The following TBXAS1 variants were observed in gnomAD, a reference collection of about 807,000 sequenced individuals.
The protein encoded by TBXAS1 is thromboxane-A synthase.
TBXAS1 carries 48 observed loss-of-function variants against 60.7 expected under a neutral mutation model. That is an observed-to-expected ratio of 0.79 (90% CI 0.63 to 1.01). The LOEUF is 1.01. Ranked by LOEUF, TBXAS1 falls within the 50% of genes least tolerant of loss-of-function variation. The pLI is 0.00. For missense variants in TBXAS1, 685 were observed against 686.3 expected, an observed-to-expected ratio of 1.00 and a Z score of 0.02; for synonymous variants, 287 against 269.7, an observed-to-expected ratio of 1.06 and a Z score of -0.63.
intron 4 of TBXAS1, among the ~76,000 whole-genome samples, chr7:139,801,553 T>A (rs1797724307): frequency 6.6e-6 from 1 of 151,822 alleles, no homozygotes; most frequent in East Asian, 1.9e-4. Context: ...CACTGCAACC[T>A]CTGCCTCCCA....
At chr7:139,850,187 A>G (rs367927330) in intron 1 of TBXAS1, among the ~76,000 whole-genome samples, 1 of 152,170 alleles carries the variant, frequency 6.6e-6, no homozygotes, top group Non-Finnish European at 1.5e-5. Context: ...CGTCCTGCAC[A>G]TTTGTCCACT....
intron 9 of TBXAS1, among the ~76,000 whole-genome samples, chr7:139,977,224 G>A (rs1732039097): frequency 1.3e-5 from 2 of 152,170 alleles, no homozygotes; most frequent in South Asian, 4.1e-4. Flanking sequence ...AAAAGAAAGA[G>A]GTTTCATGGA....
chr7:139,818,711 C>T (rs1798216756), intron 4 of TBXAS1, among the ~76,000 whole-genome samples: 1 of 152,154 alleles, frequency 6.6e-6, no homozygotes, highest in East Asian at 1.9e-4. Context: ...TTACATTGTT[C>T]ATTGGAGTGT....
rs983854633 is a variant in TBXAS1, at chr7:140,017,840, C to T, written c.1527+7C>T. On this transcript the variant is annotated splice_region_variant and intron_variant, in intron 12 of 12. Coordinates refer to ENST00000448866, the MANE Select transcript of TBXAS1 (RefSeq NM_001061.7). ...AGCCTGCCCTGAGACCCAGGTGAGG[C>T]CCCCCTGCTCAGAGGCAGGGGCAGG... 1 of 1,614,024 alleles carries T rather than the reference C, an allele frequency of 6.2e-7. No homozygotes were observed. The highest frequency in any genetic ancestry group is 1.1e-5 in the South Asian group (1 of 91,088).
At chr7:139,824,255 T>C (rs2116452564) in intron 4 of TBXAS1, among the ~76,000 whole-genome samples, 1 of 152,212 alleles carries the variant, frequency 6.6e-6, no homozygotes, top group Middle Eastern at 3.4e-3. Flanking sequence ...TAAGCAAAGC[T>C]CTGTGGGGAG....
At chr7:139,787,322 C>G (rs1234719495) in intron 3 of TBXAS1, 1 of 152,180 alleles carries the variant, frequency 6.6e-6, no homozygotes, top group Non-Finnish European at 1.5e-5. Flanking sequence ...ATTGGTTTTG[C>G]TTATCTTTTC....
chr7:139,861,419 A>ATT (rs58163146), intron 1 of TBXAS1, among the ~76,000 whole-genome samples: 2 of 130,716 alleles, frequency 1.5e-5, no homozygotes, highest in African/African-American at 2.9e-5. Flanking sequence ...TCTTTTTAGA[A>ATT]TTTTTTTTTT....
chr7:139,784,378 G>A lies in TBXAS1; in HGVS notation c.-169+1649G>A, dbSNP rs1797115862. ...GGAGTATAAAAGGGAATAAGCCATA[G>A]CCCTGGCTTTCAAGGAGCTCAAGTT... On this transcript the variant is annotated intron_variant, in intron 3 of 16. Coordinates refer to the TBXAS1 transcript ENST00000336425. Among the ~76,000 whole-genome samples, 3 of 152,088 alleles carry A rather than the reference G, an allele frequency of 2.0e-5. No individual in the cohort carries two copies. In the South Asian group the frequency reaches 6.2e-4, roughly 31 times the overall value.
At chr7:139,882,766 A>G (rs1467810854) in intron 3 of TBXAS1, among the ~76,000 whole-genome samples, 2 of 152,324 alleles carry the variant, frequency 1.3e-5, no homozygotes, top group South Asian at 2.1e-4. Flanking sequence ...GCTGGCTTTC[A>G]TGAAAGCGTT....
At chr7:139,813,514 C>G (rs922482169) in intron 4 of TBXAS1, among the ~76,000 whole-genome samples, 1 of 152,184 alleles carries the variant, frequency 6.6e-6, no homozygotes, top group African/African-American at 2.4e-5. Flanking sequence ...ATAGGTTTGT[C>G]CAAAGGTTTG....
Position 139,832,612 on chromosome 7 carries a change from C to T in TBXAS1, c.89+3133C>T, listed in dbSNP as rs149151505. On this transcript the variant is annotated intron_variant, in intron 1 of 12. Coordinates refer to ENST00000448866, the MANE Select transcript of TBXAS1 (RefSeq NM_001061.7). ...CCAAATACAAGAAGCACAAAGAACA[C>T]GTGGGAAATTCATCGCAAAAAGATC... Among the ~76,000 whole-genome samples, 1,284 of 152,242 alleles carry T rather than the reference C, an allele frequency of 8.4e-3. 26 individuals are homozygous for T. The highest frequency in any genetic ancestry group is 0.029 in the African/African-American group (1,204 of 41,526).
At chr7:139,842,149 T>C (rs887378285) in intron 1 of TBXAS1, among the ~76,000 whole-genome samples, 7 of 152,148 alleles carry the variant, frequency 4.6e-5, no homozygotes, top group Non-Finnish European at 1.0e-4. Flanking sequence ...TTTGGTTTTG[T>C]TTTTTAAAGA....
chr7:139,782,104 C>T (rs949777207), intron 2 of TBXAS1, among the ~76,000 whole-genome samples: 2 of 151,664 alleles, frequency 1.3e-5, no homozygotes, highest in African/African-American at 4.8e-5. Flanking sequence ...TGGGAGCTGT[C>T]CCATTTGGCT....
chr7:139,907,114 C>A (rs184649209), intron 3 of TBXAS1, among the ~76,000 whole-genome samples: 1 of 152,190 alleles, frequency 6.6e-6, no homozygotes, highest in East Asian at 1.9e-4. Context: ...TGCCTTGTTC[C>A]CCATCTTAAG....
chr7:139,794,231 G>C (rs185416441), intron 4 of TBXAS1, among the ~76,000 whole-genome samples: 5 of 152,118 alleles, frequency 3.3e-5, no homozygotes, highest in Admixed American at 3.3e-4. Context: ...CTCCCAAGTA[G>C]CTAGGATTAC....
intron 1 of TBXAS1, among the ~76,000 whole-genome samples, chr7:139,856,744 G>T (rs987032980): frequency 6.6e-6 from 1 of 152,158 alleles, no homozygotes; most frequent in African/African-American, 2.4e-5. Flanking sequence ...TTCAAAAAGT[G>T]AAGCAAAGGA....
chr7:139,860,574 T>G (rs1484402118), intron 1 of TBXAS1, among the ~76,000 whole-genome samples: 1 of 152,172 alleles, frequency 6.6e-6, no homozygotes, highest in Non-Finnish European at 1.5e-5. Flanking sequence ...AATGTAATCA[T>G]GAGGTCCTTA....
upstream of TBXAS1, among the ~76,000 whole-genome samples, chr7:139,828,002 A>G (rs1305535611): frequency 6.6e-6 from 1 of 152,138 alleles, no homozygotes; most frequent in Non-Finnish European, 1.5e-5. Flanking sequence ...TGTTCTTTGT[A>G]CTTCTTGTAT....
chr7:139,972,831 G>A (rs1183020685), intron 9 of TBXAS1, among the ~76,000 whole-genome samples: 14 of 152,242 alleles, frequency 9.2e-5, no homozygotes, highest in East Asian at 1.9e-4. Flanking sequence ...GGGTACCTTG[G>A]TAGGTCCCAG....
Sources: allele counts gnomAD v4.1 joint callset (sites outside exome capture counted in the v4.1 genomes callset), GRCh38; gene constraint gnomAD v4.1.1; transcripts MANE v1.5; gene names NCBI Gene and HGNC (gene_info 2026-07-23, HGNC 2026-07-21).